The following PLCB1 variants were observed in gnomAD, a reference collection of about 807,000 sequenced individuals.
The protein encoded by PLCB1 is phospholipase C beta 1.
In PLCB1, 46 loss-of-function variants were observed where a neutral mutation model predicts 161.8. The ratio of observed to expected loss-of-function variants is 0.28; its 90% CI spans 0.22 to 0.36. The LOEUF is 0.36. PLCB1 is among the 10% of genes least tolerant of loss of function. PLCB1 has a pLI of 1.00. For missense variants in PLCB1, 1,016 were observed against 1,472.5 expected, an observed-to-expected ratio of 0.69 and a Z score of 5.07; for synonymous variants, 517 against 503.7, an observed-to-expected ratio of 1.03 and a Z score of -0.35.
Position 8,649,465 on chromosome 20 carries a change from A to T in PLCB1, c.594+16A>T. 3.2e-6 allele frequency: 5 copies of T among 1,583,196 alleles called. No homozygotes were observed. Among genetic ancestry groups the T allele is most frequent in the Non-Finnish European group, 4.3e-6 (5 of 1,151,920 alleles). On this transcript the variant is annotated intron_variant, in intron 7 of 31. Transcript: ENST00000338037. ...ATCTTCAAGGGTGAGCATGTGTGTT[A>T]TGCTATAGTTTGAATGTTCAGCCCC...
chr20:8,408,553 A>G (rs1398264671), intron 3 of PLCB1, among the ~76,000 whole-genome samples: 1 of 152,210 alleles, frequency 6.6e-6, no homozygotes, highest in African/African-American at 2.4e-5. Context: ...TAAATATTAG[A>G]CATCCCTTAG....
chr20:8,734,026 G>T (rs1241409239), intron 19 of PLCB1, among the ~76,000 whole-genome samples: 1 of 147,050 alleles, frequency 6.8e-6, no homozygotes, highest in Non-Finnish European at 1.5e-5. Flanking sequence ...TACTCAAGAG[G>T]CTGAGACAGG....
At chr20:8,577,037 G>A (rs1038855102) in intron 3 of PLCB1, among the ~76,000 whole-genome samples, 1 of 152,158 alleles carries the variant, frequency 6.6e-6, no homozygotes, top group Non-Finnish European at 1.5e-5. Flanking sequence ...GAGAAGAGCA[G>A]AGGGAGAAAG....
chr20:8,449,105 C>T (rs1980961848), intron 3 of PLCB1, among the ~76,000 whole-genome samples: 1 of 152,148 alleles, frequency 6.6e-6, no homozygotes, highest in Admixed American at 6.5e-5. Context: ...TGTTCATGAG[C>T]ATTGCCAGTA....
intron 2 of PLCB1, among the ~76,000 whole-genome samples, chr20:8,272,095 C>T (rs1310387421): frequency 2.6e-5 from 4 of 151,940 alleles, no homozygotes; most frequent in Non-Finnish European, 5.9e-5. Flanking sequence ...CTTGATCAAG[C>T]CAGTCTTTGG....
intron 3 of PLCB1, among the ~76,000 whole-genome samples, chr20:8,485,160 C>T (rs1478101402): frequency 6.6e-6 from 1 of 152,186 alleles, no homozygotes; most frequent in East Asian, 1.9e-4. Context: ...ACAGGAGATA[C>T]TCTTATTGTG....
At chr20:8,201,348 A>G (rs966178545) in intron 2 of PLCB1, among the ~76,000 whole-genome samples, 1 of 152,062 alleles carries the variant, frequency 6.6e-6, no homozygotes, top group Admixed American at 6.6e-5. Flanking sequence ...TCTTAAATAG[A>G]TAACTTAGAA....
At chr20:8,146,133 G>A (rs2051451932) in intron 1 of PLCB1, among the ~76,000 whole-genome samples, 1 of 149,268 alleles carries the variant, frequency 6.7e-6, no homozygotes, top group South Asian at 2.1e-4. Flanking sequence ...ATAAGGCACA[G>A]TTATACATAC....
At chr20:8,772,990 A>T (rs1371901432) in intron 26 of PLCB1, among the ~76,000 whole-genome samples, 1 of 152,246 alleles carries the variant, frequency 6.6e-6, no homozygotes, top group Non-Finnish European at 1.5e-5. Flanking sequence ...TCATGCCAAG[A>T]GGAAAGTTTC....
rs553309089 is a variant in PLCB1 at position 8,670,698 on chromosome 20, T to C, written c.862+11994T>C. On this transcript the variant is annotated intron_variant, in intron 9 of 31. Transcript: ENST00000338037. ...TAATGAAAGAAGCCAGTGAAGTTCA[T>C]GTAATGTACAAAAGCACAGTTAGCT... 3.8e-4 allele frequency among the ~76,000 whole-genome samples: 58 copies of C among 152,338 alleles called. 1 individual carries two copies. Among genetic ancestry groups the C allele is most frequent in the Middle Eastern group, 3.4e-3 (1 of 294 alleles).
At chr20:8,328,389 C>A (rs969279226) in intron 2 of PLCB1, among the ~76,000 whole-genome samples, 1 of 151,984 alleles carries the variant, frequency 6.6e-6, no homozygotes, top group African/African-American at 2.4e-5. Context: ...GCTGGAGTTG[C>A]TGGTATCTGC....
At chr20:8,217,889 C>G (rs556802363) in intron 2 of PLCB1, among the ~76,000 whole-genome samples, 4 of 152,224 alleles carry the variant, frequency 2.6e-5, no homozygotes, top group Admixed American at 6.5e-5. Flanking sequence ...CTCTTTTGCC[C>G]TTCCACCTTC....
chr20:8,541,006 A>G (rs1985293969), intron 3 of PLCB1, among the ~76,000 whole-genome samples: 2 of 152,168 alleles, frequency 1.3e-5, no homozygotes, highest in Admixed American at 1.3e-4. Flanking sequence ...ACAAACACCC[A>G]GAAAGTAAAG....
chr20:8,683,420 C>T (rs1262536095), intron 9 of PLCB1, among the ~76,000 whole-genome samples: 2 of 151,378 alleles, frequency 1.3e-5, no homozygotes, highest in African/African-American at 4.8e-5. Context: ...ATGCTACCCT[C>T]CGACATTTGT....
At chr20:8,476,913 A>G (rs988417592) in intron 3 of PLCB1, among the ~76,000 whole-genome samples, 1 of 152,216 alleles carries the variant, frequency 6.6e-6, no homozygotes, top group Non-Finnish European at 1.5e-5. Flanking sequence ...CATTGATCAA[A>G]GATTCTGCAG....
rs184576009 is a variant in PLCB1 at position 8,773,903 on chromosome 20, G to A, written c.2931-636G>A. On this transcript the variant is annotated intron_variant, in intron 26 of 31. Transcript: ENST00000338037. ...GCAGGAGAATCACTCAAACGTGGGA[G>A]GTGGAGGTTGCAGTGAGCTGAGATC... 2.4e-3 allele frequency among the ~76,000 whole-genome samples: 356 copies of A among 150,048 alleles called. 1 individual carries two copies. Among genetic ancestry groups the A allele is most frequent in the African/African-American group, 8.7e-3 (342 of 39,474 alleles).
At chr20:8,521,592 T>C (rs1425199802) in intron 3 of PLCB1, among the ~76,000 whole-genome samples, 1 of 151,972 alleles carries the variant, frequency 6.6e-6, no homozygotes, top group Non-Finnish European at 1.5e-5. Context: ...TCCTCCCAGT[T>C]ACTTGGGAGG....
intron 3 of PLCB1, among the ~76,000 whole-genome samples, chr20:8,582,492 G>A (rs6055921): frequency 0.61 from 93,321 of 151,978 alleles, 30,740 homozygotes; most frequent in African/African-American, 0.87. Context: ...CTGTAACTAC[G>A]TCCTTGCCTA....
intron 2 of PLCB1, among the ~76,000 whole-genome samples, chr20:8,263,227 T>C (rs1385304472): frequency 1.3e-5 from 2 of 152,178 alleles, no homozygotes; most frequent in African/African-American, 4.8e-5. Context: ...AACTGGTAAC[T>C]GTTGATTATT....
Sources: allele counts gnomAD v4.1 joint callset (sites outside exome capture counted in the v4.1 genomes callset), GRCh38; gene constraint gnomAD v4.1.1; transcripts MANE v1.5; gene names NCBI Gene and HGNC (gene_info 2026-07-23, HGNC 2026-07-21).